Variants in CSGALNACT2 observed in about 807,000 individuals in gnomAD.
CSGALNACT2 encodes the protein beta 4 GalNAcT-2.
Under a neutral mutation model 55.3 loss-of-function variants are expected in CSGALNACT2, and 35 were observed. That is an observed-to-expected ratio of 0.63 (90% CI 0.48 to 0.84). CSGALNACT2 has a LOEUF of 0.84. Among genes scored for constraint, CSGALNACT2 ranks in the 40% least tolerant of loss-of-function variants. CSGALNACT2 has a pLI of 0.00. For missense variants in CSGALNACT2, 544 were observed against 657.5 expected (o/e 0.83, Z 1.89); for synonymous variants, 196 against 224.9 (o/e 0.87, Z 1.15).
In CSGALNACT2 at chr10:43,176,030, T is replaced by C. The variant is rs1391379224; in HGVS notation, c.1334T>C (p.Ile445Thr). The stretch of plus-strand genomic sequence containing the variant: ...CAGTATCGTTCAGATTTCCTGACCA[T>C]TGGTAAGTATACTTTACATTTAAGG... ...TCQYRSDFLT[I>T]GGFDMEVKGW... The change falls in exon 7 of 8, where the codon ATT becomes ACT. Residue 445 changes from isoleucine to threonine, a missense_variant and splice_region_variant. By Grantham distance (89) the Ile-to-Thr change is moderately conservative. This residue lies in a region of CSGALNACT2 where 170 missense variants were observed against 256.2 expected (regional missense o/e 0.66). Coordinates refer to ENST00000374466, the MANE Select transcript of CSGALNACT2 (RefSeq NM_018590.5). The C allele has an allele frequency of 3.1e-6, 5 of 1,603,014 alleles. No individual in the cohort carries two copies. Among genetic ancestry groups the C allele is most frequent in the Non-Finnish European group, 4.3e-6 (5 of 1,175,498 alleles).
At position 43,184,367 on chromosome 10, in the gene CSGALNACT2, C is replaced by T. The variant is rs1309662140; in HGVS notation, c.*825C>T. The T allele has an allele frequency of 1.3e-5, 2 of 152,218 alleles. No homozygotes were observed. Among genetic ancestry groups the T allele is most frequent in the African/African-American group, 2.4e-5 (1 of 41,456 alleles). 9.4% of individuals were successfully genotyped at this position (152,218 alleles called of 1,614,324 possible). A position where few individuals can be genotyped will look rare whatever the true frequency, so the allele number is the denominator to read the frequency against. On this transcript the variant is annotated 3_prime_UTR_variant, in exon 8 of 8. Coordinates refer to ENST00000374466, the MANE Select transcript of CSGALNACT2 (RefSeq NM_018590.5). ...ATTAGTTTATTTGAGCCAGCTCTAT[C>T]AGGGTCTTCCCATGGTGGTTCAGAA...
In CSGALNACT2 at chr10:43,155,495, G is replaced by T; in HGVS notation, c.346G>T (p.Ala116Ser). The T allele has an allele frequency of 6.2e-7, 1 of 1,614,242 alleles. No homozygotes were observed. The highest frequency in any genetic ancestry group is 8.5e-7 in the Non-Finnish European group (1 of 1,180,048). ...AGGCTATCAGAGCAACAAAGAGCAA[G>T]CACCTAGTGATCTTTTAGAGTTTCT... Reference protein sequence around the residue: ...GIGYQSNKEQAPSDLLEFLHS... With the variant: ...GIGYQSNKEQSPSDLLEFLHS... The change falls in exon 2 of 8, where the codon GCA (alanine) becomes TCA (serine). Residue 116 changes from alanine to serine, a missense_variant. Physicochemically the swap from Ala to Ser is moderately conservative, Grantham distance 99 (BLOSUM62 1). Around this residue, in one of 2 missense-constraint regions of CSGALNACT2, gnomAD observed 374 missense variants for 401.3 expected, o/e 0.93. Transcript: ENST00000374466.
chr10:43,153,774 T>C (rs1838932327), intron 1 of CSGALNACT2, among the ~76,000 whole-genome samples: 1 of 152,238 alleles, frequency 6.6e-6, no homozygotes, highest in Admixed American at 6.5e-5. Flanking sequence ...ATTAAAGACA[T>C]GGAAGAGTTC....
chr10:43,183,742 C>T lies in CSGALNACT2; in HGVS notation c.*200C>T. 1.7e-6 allele frequency: 1 copy of T among 588,054 alleles called. No homozygotes were observed. The highest frequency in any genetic ancestry group is 3.0e-6 in the Non-Finnish European group (1 of 331,676). 36.4% of individuals were successfully genotyped at this position (588,054 alleles called of 1,614,324 possible). ...ACAAAATCTCTGTTTTGTGAGAATA[C>T]TGCACTATGGAATAATTGACAAATT... On this transcript the variant is annotated 3_prime_UTR_variant, in exon 8 of 8. Transcript: ENST00000374466.
At chr10:43,167,973 A>C (rs952046098) in intron 6 of CSGALNACT2, among the ~76,000 whole-genome samples, 4 of 107,512 alleles carry the variant, frequency 3.7e-5, no homozygotes, top group Non-Finnish European at 6.3e-5. Context: ...GTTTATGTAC[A>C]AAAAATTTAA....
chr10:43,155,301 A>T lies in CSGALNACT2; in HGVS notation c.152A>T (p.Asn51Ile), dbSNP rs375066016. ...NASLPGVVGE[N>I]YGKEYYQALL... ...TCTCTTCCTGGTGTTGTTGGGGAAA[A>T]TTATGGTAAAGAGTATTATCAAGCC... Residue 51 changes from asparagine to isoleucine, a missense_variant, in exon 2 of 8, where the codon AAT becomes ATT. Asn to Ile is a moderately radical substitution (Grantham distance 149). Coordinates refer to ENST00000374466, the MANE Select transcript of CSGALNACT2 (RefSeq NM_018590.5). 3.7e-5 allele frequency: 60 copies of T among 1,614,096 alleles called. No homozygotes were observed. The African/African-American group carries it at 5.7e-4, about 15-fold the overall frequency.
chr10:43,162,306 AG>A, intron 4 of CSGALNACT2: 1 of 701,774 alleles, frequency 1.4e-6, no homozygotes, highest in Non-Finnish European at 2.3e-6. Context: ...GCTCCAGTTG[AG>A]AAAATCCCAG....
chr10:43,141,405 A>AT (rs1165391302), intron 1 of CSGALNACT2, among the ~76,000 whole-genome samples: 8 of 43,952 alleles, frequency 1.8e-4, no homozygotes, highest in Non-Finnish European at 3.8e-4. Flanking sequence ...TTTAGTAGAG[A>AT]CGGGTTTCAC....
intron 6 of CSGALNACT2, among the ~76,000 whole-genome samples, chr10:43,168,784 C>T (rs1353144690): frequency 1.3e-5 from 2 of 152,056 alleles, no homozygotes; most frequent in African/African-American, 2.4e-5. Context: ...TGAGCACCCA[C>T]GTCTGCCATA....
rs114155082 is a variant in CSGALNACT2 at position 43,168,049 on chromosome 10, A to G, written c.1254+951A>G. ...GAAATTAGAATATGAAAACATTGAGATAAATCAATTTTATAGGGTAAGTTT... is the reference window on the plus strand; with the variant it reads ...GAAATTAGAATATGAAAACATTGAGGTAAATCAATTTTATAGGGTAAGTTT... On this transcript the variant is annotated intron_variant, in intron 6 of 7. Transcript: ENST00000374466. Among the ~76,000 whole-genome samples the G allele has an allele frequency of 8.4e-3, 1,275 of 152,330 alleles. 11 individuals are homozygous for G. Among genetic ancestry groups the G allele is most frequent in the African/African-American group, 0.028 (1,179 of 41,582 alleles).
At chr10:43,153,340 A>C (rs1380987250) in intron 1 of CSGALNACT2, among the ~76,000 whole-genome samples, 1 of 151,558 alleles carries the variant, frequency 6.6e-6, no homozygotes, top group Non-Finnish European at 1.5e-5. Context: ...GTCTCAAAAA[A>C]AAAAGGACTC....
In CSGALNACT2 at chr10:43,184,171, G is replaced by T. The variant is rs899824848; in HGVS notation, c.*629G>T. ...GCAAATGGGTAATAGTAGAAAATAG[G>T]TTAGAATCTATGGCTTGATTAAAAA... On this transcript the variant is annotated 3_prime_UTR_variant, in exon 8 of 8. Coordinates refer to ENST00000374466, the MANE Select transcript of CSGALNACT2 (RefSeq NM_018590.5). The T allele has an allele frequency of 1.3e-5, 2 of 152,350 alleles. No individual in the cohort carries two copies. The highest frequency in any genetic ancestry group is 2.9e-5 in the Non-Finnish European group (2 of 68,168). 9.4% of individuals were successfully genotyped at this position (152,350 alleles called of 1,614,324 possible). A position where few individuals can be genotyped will look rare whatever the true frequency, so the allele number is the denominator to read the frequency against.
Position 43,155,438 on chromosome 10 carries a change from C to G in CSGALNACT2, c.289C>G (p.Gln97Glu). Residue 97 changes from glutamine (Q) to glutamate (E), a missense_variant, in exon 2 of 8, where the codon CAA (glutamine) becomes GAA (glutamate). Gln to Glu is a conservative substitution (Grantham distance 29). Around this residue, in one of 2 missense-constraint regions of CSGALNACT2, gnomAD observed 374 missense variants for 401.3 expected, o/e 0.93. Coordinates refer to ENST00000374466, the MANE Select transcript of CSGALNACT2 (RefSeq NM_018590.5). ...AATGAGTGAGAAGATGCGGTCACTG[C>G]AAGAAAGAAGGAATGTAGGGGCTAA... ...QEMSEKMRSL[Q>E]ERRNVGANGI... 1 of 1,614,078 alleles carries G rather than the reference C, an allele frequency of 6.2e-7. No individual in the cohort carries two copies. The highest frequency in any genetic ancestry group is 8.5e-7 in the Non-Finnish European group (1 of 1,180,020).
At position 43,146,056 on chromosome 10, in the gene CSGALNACT2, G is replaced by T. The variant is rs192174511; in HGVS notation, c.-254+7489G>T. On this transcript the variant is annotated intron_variant, in intron 1 of 7. Transcript: ENST00000374466. ...GTGTATTAGTCTGGGTTCTCTAGAG[G>T]GACAGAACTAAGAGGATATATGTAT... 1.4e-3 allele frequency among the ~76,000 whole-genome samples: 216 copies of T among 152,102 alleles called. 1 individual carries two copies. Among genetic ancestry groups the T allele is most frequent in the African/African-American group, 5.1e-3 (212 of 41,476 alleles).
chr10:43,159,265 AT>A (rs1839091739), intron 3 of CSGALNACT2, among the ~76,000 whole-genome samples: 1 of 151,994 alleles, frequency 6.6e-6, no homozygotes, highest in Non-Finnish European at 1.5e-5. Flanking sequence ...AAATCCACAT[AT>A]TTTAAGGATA....
intron 7 of CSGALNACT2, among the ~76,000 whole-genome samples, chr10:43,181,397 G>T (rs1331913024): frequency 5.3e-5 from 8 of 152,204 alleles, no homozygotes; most frequent in Admixed American, 5.2e-4. Context: ...TTAGGATGGA[G>T]TGATGACTTC....
At chr10:43,173,453 A>G (rs980159687) in intron 6 of CSGALNACT2, among the ~76,000 whole-genome samples, 17 of 152,238 alleles carry the variant, frequency 1.1e-4, no homozygotes, top group African/African-American at 3.9e-4. Context: ...AGTGCAAGAA[A>G]ATATTAACAA....
rs940057823 is a variant in CSGALNACT2, at chr10:43,184,915, A to G, written c.*1373A>G. 2 of 152,166 alleles carry G rather than the reference A, an allele frequency of 1.3e-5. No homozygotes were observed. The highest frequency in any genetic ancestry group is 4.8e-5 in the African/African-American group (2 of 41,452). The allele number at this position is 152,166 out of a possible 1,614,324, so 9.4% of individuals were successfully genotyped here. ...ATCATCTGAAATATTACAAATTTCA[A>G]ATTTCTAGGTGCTATATTAATTCAA... On this transcript the variant is annotated 3_prime_UTR_variant, in exon 8 of 8. Transcript: ENST00000374466.
chr10:43,148,900 A>G (rs1331206693), intron 1 of CSGALNACT2, among the ~76,000 whole-genome samples: 1 of 152,152 alleles, frequency 6.6e-6, no homozygotes, highest in African/African-American at 2.4e-5. Context: ...TGCCTTGGCT[A>G]CAACCTCCTC....
Sources: allele counts gnomAD v4.1 joint callset (sites outside exome capture counted in the v4.1 genomes callset), GRCh38; gene constraint gnomAD v4.1.1; regional missense constraint gnomAD v4.1.1; transcripts MANE v1.5; gene names NCBI Gene and HGNC (gene_info 2026-07-23, HGNC 2026-07-21).